BARD1: variants seen among roughly 807,000 people sequenced by gnomAD.
BARD1 encodes BRCA1 associated RING domain 1.
Under a neutral mutation model 77.0 loss-of-function variants are expected in BARD1, and 73 were observed. That is an observed-to-expected ratio of 0.95 (90% CI 0.79 to 1.15). The LOEUF (loss-of-function observed/expected upper bound fraction) is 1.15, where lower values mean the gene tolerates loss of function less well. Among genes scored for constraint, BARD1 ranks in the 50% most tolerant of loss-of-function variants. BARD1 has a pLI of 0.00. For synonymous variants in BARD1, 384 were observed against 338.0 expected (o/e 1.14, Z -1.49); for missense variants, 993 against 938.8 (o/e 1.06, Z -0.75).
intron 7 of BARD1, among the ~76,000 whole-genome samples, chr2:214,747,092 A>G (rs1328835918): frequency 2.0e-5 from 3 of 151,902 alleles, no homozygotes; most frequent in Admixed American, 6.6e-5. Context: ...GCAGCCAAAA[A>G]ACACATGAAA....
intron 9 of BARD1, among the ~76,000 whole-genome samples, chr2:214,734,407 C>A (rs1272721920): frequency 6.6e-6 from 1 of 152,030 alleles, no homozygotes; most frequent in Admixed American, 6.5e-5. Context: ...TTGAGTAGAA[C>A]CTGAGTAGAA....
At chr2:214,733,146 G>C (rs1055244550) in intron 9 of BARD1, among the ~76,000 whole-genome samples, 1 of 151,906 alleles carries the variant, frequency 6.6e-6, no homozygotes, top group African/African-American at 2.4e-5. Flanking sequence ...AAGTTAAAGT[G>C]AACCACTTCC....
Position 214,780,585 on chromosome 2 carries a change from G to C in BARD1, c.1289C>G (p.Thr430Ser), listed in dbSNP as rs587780015. Reference sequence around the variant, plus strand: ...CTTAATAGAAGCAATATGGAGCAAAGTCTCTCCTCTATGATTTCTTTTCAC... The same window carrying C: ...CTTAATAGAAGCAATATGGAGCAAACTCTCTCCTCTATGATTTCTTTTCAC... ...MAVKRNHRGE[T>S]LLHIASIKGD... is the part of the protein sequence containing the mutation. Residue 430 changes from threonine (T) to serine (S), a missense_variant, in exon 4 of 11, where the codon ACT becomes AGT. By Grantham distance (58) the Thr-to-Ser change is moderately conservative (BLOSUM62 1). Coordinates refer to ENST00000260947, the MANE Select transcript of BARD1 (RefSeq NM_000465.4). 5 of 1,613,970 alleles carry C rather than the reference G, an allele frequency of 3.1e-6. No individual in the cohort carries two copies. The highest frequency in any genetic ancestry group is 4.2e-6 in the Non-Finnish European group (5 of 1,179,902).
intron 1 of BARD1, among the ~76,000 whole-genome samples, chr2:214,806,830 T>C (rs978883494): frequency 3.7e-5 from 5 of 135,674 alleles, no homozygotes; most frequent in Admixed American, 8.5e-5. Flanking sequence ...GCTGAAATCA[T>C]GCCACTGCAC....
At chr2:214,743,636 T>A (rs533736821) in intron 9 of BARD1, among the ~76,000 whole-genome samples, 2 of 152,154 alleles carry the variant, frequency 1.3e-5, no homozygotes, top group East Asian at 3.9e-4. Context: ...CAGGCTGGAG[T>A]GCAGTGGCGC....
chr2:214,743,852 G>A (rs1363202482), intron 9 of BARD1, among the ~76,000 whole-genome samples: 1 of 152,134 alleles, frequency 6.6e-6, no homozygotes, highest in East Asian at 1.9e-4. Flanking sequence ...GAGCTACCGT[G>A]CCTGGCCTGA....
At chr2:214,794,646 G>T (rs1469970754) in intron 2 of BARD1, among the ~76,000 whole-genome samples, 3 of 152,038 alleles carry the variant, frequency 2.0e-5, no homozygotes, top group Non-Finnish European at 4.4e-5. Context: ...GCTCTTTATG[G>T]TTCTCAATTC....
chr2:214,779,743 C>G (rs1045867685), intron 4 of BARD1, among the ~76,000 whole-genome samples: 1 of 152,142 alleles, frequency 6.6e-6, no homozygotes, highest in African/African-American at 2.4e-5. Flanking sequence ...CAAAGGATTT[C>G]CTGGGTGAAT....
chr2:214,754,419 T>A (rs1021794247), intron 6 of BARD1, among the ~76,000 whole-genome samples: 4 of 149,146 alleles, frequency 2.7e-5, no homozygotes, highest in African/African-American at 7.6e-5. Context: ...ACCTTACACC[T>A]CAAAAAAATA....
At chr2:214,747,589 A>G (rs1274934963) in intron 7 of BARD1, among the ~76,000 whole-genome samples, 1 of 151,350 alleles carries the variant, frequency 6.6e-6, no homozygotes, top group African/African-American at 2.4e-5. Flanking sequence ...CATCATTCTC[A>G]GCAAACTATT....
intron 9 of BARD1, among the ~76,000 whole-genome samples, chr2:214,740,173 A>C (rs897914356): frequency 2.0e-5 from 3 of 152,034 alleles, no homozygotes; most frequent in Non-Finnish European, 4.4e-5. Context: ...TAAAAGTTCA[A>C]ATTTTTATGT....
At chr2:214,748,178 T>C (rs1364718183) in intron 7 of BARD1, among the ~76,000 whole-genome samples, 2 of 152,184 alleles carry the variant, frequency 1.3e-5, no homozygotes, top group African/African-American at 2.4e-5. Flanking sequence ...TATTTTCCTA[T>C]CATACTTTTA....
At chr2:214,760,165 T>G (rs1372409485) in intron 6 of BARD1, among the ~76,000 whole-genome samples, 1 of 152,196 alleles carries the variant, frequency 6.6e-6, no homozygotes. Flanking sequence ...ATATTTAAAG[T>G]CACATCTTAC....
intron 4 of BARD1, among the ~76,000 whole-genome samples, chr2:214,771,663 G>A (rs1245764900): frequency 6.6e-6 from 1 of 151,820 alleles, no homozygotes; most frequent in Non-Finnish European, 1.5e-5. Flanking sequence ...AGGAGGCGGA[G>A]GTTGCAGTGA....
intron 6 of BARD1, among the ~76,000 whole-genome samples, chr2:214,753,197 A>T (rs998600767): frequency 3.3e-5 from 5 of 152,144 alleles, no homozygotes; most frequent in South Asian, 2.1e-4. Flanking sequence ...CCTGTTCAAG[A>T]TAAGAAAAAA....
At chr2:214,775,645 C>T (rs1281331328) in intron 4 of BARD1, among the ~76,000 whole-genome samples, 3 of 152,074 alleles carry the variant, frequency 2.0e-5, no homozygotes, top group Non-Finnish European at 4.4e-5. Context: ...TGCCAAAAAA[C>T]ACAAAAACAA....
At position 214,740,045 on chromosome 2, in the gene BARD1, A is replaced by G. The variant is rs148124828; in HGVS notation, c.1903+5022T>C. On this transcript the variant is annotated intron_variant, in intron 9 of 10. Coordinates refer to ENST00000260947, the MANE Select transcript of BARD1 (RefSeq NM_000465.4). ...ATAGTCTATCTCTTGTATTATGAAT[A>G]ATATCAAAATTGTCTGTCTCTATAT... 2.0e-4 allele frequency among the ~76,000 whole-genome samples: 31 copies of G among 152,144 alleles called. No individual in the cohort carries two copies. The East Asian group carries it at 6.0e-3, about 29-fold the overall frequency.
intron 9 of BARD1, among the ~76,000 whole-genome samples, chr2:214,731,335 G>A (rs899689868): frequency 2.0e-5 from 3 of 152,138 alleles, no homozygotes; most frequent in African/African-American, 7.2e-5. Flanking sequence ...GAAATGAAAG[G>A]AACCCTTGGG....
intron 1 of BARD1, among the ~76,000 whole-genome samples, chr2:214,804,733 T>A (rs781773836): frequency 2.0e-5 from 3 of 152,234 alleles, no homozygotes; most frequent in Non-Finnish European, 4.4e-5. Context: ...TAGGCTACTA[T>A]CACTGATTTG....
Sources: gnomAD v4.1 joint callset for allele counts (sites outside exome capture counted in the v4.1 genomes callset) on GRCh38, gnomAD v4.1.1 for gene constraint, MANE v1.5 for transcripts, NCBI Gene and HGNC (gene_info 2026-07-23, HGNC 2026-07-21) for gene names.